The following WRAP53 variants were observed in gnomAD, a reference collection of about 807,000 sequenced individuals.
WRAP53 encodes telomerase Cajal body protein 1.
In WRAP53, 28 loss-of-function variants were observed where a neutral mutation model predicts 56.6. The observed-to-expected ratio is 0.50, with a 90% CI of 0.37 to 0.68. The LOEUF (loss-of-function observed/expected upper bound fraction) is 0.68. Among genes scored for constraint, WRAP53 ranks in the 30% least tolerant of loss-of-function variants. The probability of loss-of-function intolerance (pLI) is 0.00; values close to 1 mark genes in which losing one functional copy is unlikely to be tolerated. For missense variants in WRAP53, 671 were observed against 715.5 expected (o/e 0.94, Z 0.71); for synonymous variants, 283 against 283.4 (o/e 1.00, Z 0.01).
At chr17:7,700,206 G>A (rs563601383) in intron 4 of WRAP53, among the ~76,000 whole-genome samples, 44 of 151,772 alleles carry the variant, frequency 2.9e-4, no homozygotes, top group African/African-American at 6.8e-4. Context: ...CCACCACCAC[G>A]CCTGGCAAAT....
chr17:7,688,722 C>T lies in WRAP53; in HGVS notation c.74C>T (p.Pro25Leu), dbSNP rs760086957. 10 of 1,614,090 alleles carry T rather than the reference C, an allele frequency of 6.2e-6. No homozygotes were observed. The highest frequency in any genetic ancestry group is 1.7e-5 in the Admixed American group (1 of 59,988). Reference sequence around the variant, plus strand: ...GACCAGGACCCAGCTCCAGCCCATCCTTCTCCCCACGCTTCCCCGATGAAT... The same window carrying T: ...GACCAGGACCCAGCTCCAGCCCATCTTTCTCCCCACGCTTCCCCGATGAAT... ...PSDQDPAPAH[P>L]SPHASPMNKN... The change falls in exon 2 of 11, where the codon CCT becomes CTT. Residue 25 changes from proline to leucine, a missense_variant. This residue lies in a region of WRAP53 where 406 missense variants were observed against 418.5 expected (regional missense o/e 0.97). Transcript: ENST00000396463.
At chr17:7,691,549 C>T (rs999862007) in intron 4 of WRAP53, among the ~76,000 whole-genome samples, 1 of 151,712 alleles carries the variant, frequency 6.6e-6, no homozygotes, top group African/African-American at 2.4e-5. Flanking sequence ...GCCACCATGC[C>T]CAGCTAATTT....
At position 7,702,079 on chromosome 17, in the gene WRAP53, T is replaced by G; in HGVS notation, c.956-265T>G. 1.4e-6 allele frequency: 1 copy of G among 716,214 alleles called. No individual in the cohort carries two copies. The highest frequency in any genetic ancestry group is 2.5e-6 in the Non-Finnish European group (1 of 403,564). 44.4% of individuals were successfully genotyped at this position (716,214 alleles called of 1,614,324 possible). On this transcript the variant is annotated intron_variant, in intron 7 of 10. Coordinates refer to ENST00000396463, the MANE Select transcript of WRAP53 (RefSeq NM_001143992.2). The surrounding 1 kb of genome is among the most constrained non-coding windows in gnomAD (Gnocchi z 5.0). ...CTAGAAAATTGTTGATAAAGCTGAT[T>G]CCGTTTTCCTGTAGGCCTTCAACTT...
chr17:7,695,927 C>T (rs933273991), intron 4 of WRAP53, among the ~76,000 whole-genome samples: 4 of 152,106 alleles, frequency 2.6e-5, no homozygotes, highest in Non-Finnish European at 5.9e-5. Flanking sequence ...CTCATTAAAA[C>T]CGTATTTGTT....
chr17:7,693,199 G>C (rs1267901715), intron 4 of WRAP53, among the ~76,000 whole-genome samples: 2 of 145,498 alleles, frequency 1.4e-5, no homozygotes, highest in African/African-American at 5.4e-5. Flanking sequence ...TTTTGAGACG[G>C]AGTTTCAAAA....
upstream of WRAP53, chr17:7,687,437 T>C (rs905894455): frequency 5.5e-5 from 22 of 398,680 alleles, no homozygotes; most frequent in Non-Finnish European, 8.4e-5. Flanking sequence ...ACGCAAAGTG[T>C]CCCCGGAGCC....
intron 4 of WRAP53, among the ~76,000 whole-genome samples, chr17:7,700,496 A>G (rs1300301137): frequency 2.0e-5 from 3 of 151,632 alleles, no homozygotes; most frequent in African/African-American, 7.3e-5. Context: ...AAAAAAAAAA[A>G]CAAAAACAAA....
upstream of WRAP53, chr17:7,686,806 A>G (rs9905505): frequency 0.026 from 3,927 of 152,610 alleles, 144 homozygotes; most frequent in African/African-American, 0.085. Flanking sequence ...ACAGCCTTCA[A>G]TTGGATTTTC....
chr17:7,703,084 G>T lies in WRAP53; in HGVS notation c.1360G>T (p.Val454Leu), dbSNP rs370050251. ...TGGCAATGATGGGAAGCCGGAGCCC[G>T]TGTTGAGTTTTCTGCCCCAGAAGGA... is the stretch of plus-strand genomic sequence containing the variant. ...GPGNDGKPEP[V>L]LSFLPQKDCT... The change falls in exon 10 of 11, where the codon GTG (valine) becomes TTG (leucine). Residue 454 changes from valine to leucine, a missense_variant. Physicochemically the swap from Val to Leu is conservative, Grantham distance 32. This residue lies in a region of WRAP53 where 158 missense variants were observed against 215.7 expected (regional missense o/e 0.73). Coordinates refer to ENST00000396463, the MANE Select transcript of WRAP53 (RefSeq NM_001143992.2). The T allele has an allele frequency of 5.0e-6, 8 of 1,614,120 alleles. No homozygotes were observed. The highest frequency in any genetic ancestry group is 1.3e-5 in the African/African-American group (1 of 75,032).
intron 4 of WRAP53, among the ~76,000 whole-genome samples, chr17:7,690,694 T>C (rs1349254505): frequency 6.6e-6 from 1 of 151,958 alleles, no homozygotes. Flanking sequence ...TGCAGATCAC[T>C]TGAGGCCAGG....
Position 7,701,693 on chromosome 17 carries a change from C to T in WRAP53, c.859C>T (p.Pro287Ser). Residue 287 changes from proline to serine, a missense_variant, in exon 7 of 11, where the codon CCG (proline) becomes TCG (serine). This residue lies in a region of WRAP53 where 406 missense variants were observed against 418.5 expected (regional missense o/e 0.97). Transcript: ENST00000396463. The surrounding 1 kb of genome is among the most constrained non-coding windows in gnomAD (Gnocchi z 4.2). ...GGCAGCCCATTCGCTCTGCTTCTCC[C>T]CGGATGGCTCCCAGCTCTTCTGTGG... ...LTAAHSLCFS[P>S]DGSQLFCGFN... The T allele has an allele frequency of 6.2e-7, 1 of 1,614,252 alleles. No homozygotes were observed. The highest frequency in any genetic ancestry group is 8.5e-7 in the Non-Finnish European group (1 of 1,180,044).
At chr17:7,694,191 A>T (rs186141669) in intron 4 of WRAP53, among the ~76,000 whole-genome samples, 43 of 152,150 alleles carry the variant, frequency 2.8e-4, no homozygotes, top group East Asian at 1.7e-3. Context: ...AAAACATTTT[A>T]AAAAATATAT....
chr17:7,696,289 G>GTT (rs1398781100), intron 4 of WRAP53, among the ~76,000 whole-genome samples: 2 of 110,948 alleles, frequency 1.8e-5, no homozygotes, highest in African/African-American at 8.1e-5. Flanking sequence ...GGGACTCAGA[G>GTT]ATTTTTTTTT....
chr17:7,700,058 T>A (rs2074254006), intron 4 of WRAP53, among the ~76,000 whole-genome samples: 1 of 150,266 alleles, frequency 6.7e-6, no homozygotes, highest in Non-Finnish European at 1.5e-5. Flanking sequence ...TTCTTTTTCT[T>A]TTTTTTTTGG....
upstream of WRAP53, chr17:7,687,098 T>C (rs1223160785): frequency 5.1e-6 from 2 of 390,164 alleles, no homozygotes; most frequent in Non-Finnish European, 9.0e-6. Flanking sequence ...AGAAGTACGC[T>C]TTAGGCCGGC....
In WRAP53 at chr17:7,703,401, G is replaced by T. The variant is rs780433406; in HGVS notation, c.1562G>T (p.Gly521Val). The part of the protein sequence containing the change: ...ECRLQLWWCG[G>V]APDSSIPDDH... Reference sequence around the variant, plus strand: ...CGGCTTCAGCTCTGGTGGTGTGGGGGGGCGCCAGACTCCAGCATCCCTGAT... The same window carrying T: ...CGGCTTCAGCTCTGGTGGTGTGGGGTGGCGCCAGACTCCAGCATCCCTGAT... The change falls in exon 11 of 11, where the codon GGG (glycine) becomes GTG (valine). Residue 521 changes from glycine to valine, a missense_variant. Transcript: ENST00000396463. 1.9e-6 allele frequency: 3 copies of T among 1,612,552 alleles called. No individual in the cohort carries two copies. In the African/African-American group the frequency reaches 4.0e-5, roughly 22 times the overall value.
rs370140452 is a variant in WRAP53 at position 7,701,542 on chromosome 17, A to G, written c.815A>G (p.Asn272Ser). Reference protein sequence around the residue: ...GELRASFRAYNHLDELTAAHS... With the variant: ...GELRASFRAYSHLDELTAAHS... ...CTCCGGGCTTCCTTTCGCGCCTACAACCACCTGGTAGGGACCGCCATACTC... is the reference window on the plus strand; with the variant it reads ...CTCCGGGCTTCCTTTCGCGCCTACAGCCACCTGGTAGGGACCGCCATACTC... The change falls in exon 6 of 11, where the codon AAC (asparagine) becomes AGC (serine). Residue 272 changes from asparagine to serine, a missense_variant. Asn to Ser is a conservative substitution (Grantham distance 46, BLOSUM62 1). This residue lies in a region of WRAP53 where 406 missense variants were observed against 418.5 expected (regional missense o/e 0.97). Coordinates refer to ENST00000396463, the MANE Select transcript of WRAP53 (RefSeq NM_001143992.2). The surrounding 1 kb of genome is among the most constrained non-coding windows in gnomAD (Gnocchi z 4.2). 136 of 1,614,106 alleles carry G rather than the reference A, an allele frequency of 8.4e-5. No individual in the cohort carries two copies. Among genetic ancestry groups the G allele is most frequent in the Middle Eastern group, 1.6e-4 (1 of 6,062 alleles).
upstream of WRAP53, chr17:7,686,233 T>C (rs1261504012): frequency 6.6e-6 from 1 of 152,164 alleles, no homozygotes; most frequent in Non-Finnish European, 1.5e-5. Flanking sequence ...AGGTAGATTG[T>C]TTTTCCGACA....
Position 7,688,630 on chromosome 17 carries a change from G to A in WRAP53, c.-1-18G>A. On this transcript the variant is annotated intron_variant, in intron 1 of 10. Coordinates refer to ENST00000396463, the MANE Select transcript of WRAP53 (RefSeq NM_001143992.2). ...GCCATCCTGGCTGAGGCTAATCTCC[G>A]CTGTGCTTCCTCTGCAGTATGAAGA... 1.9e-6 allele frequency: 3 copies of A among 1,613,982 alleles called. No individual in the cohort carries two copies. The highest frequency in any genetic ancestry group is 1.1e-5 in the South Asian group (1 of 91,070).
Sources: gnomAD v4.1 joint callset for allele counts (sites outside exome capture counted in the v4.1 genomes callset) on GRCh38, gnomAD v4.1.1 for gene constraint, gnomAD v4.1.1 regional missense constraint, Gnocchi (gnomAD v3.1) non-coding constraint, MANE v1.5 for transcripts, NCBI Gene and HGNC (gene_info 2026-07-23, HGNC 2026-07-21) for gene names.